BMPER: variants seen among roughly 807,000 people sequenced by gnomAD.
BMPER encodes the protein BMP binding endothelial regulator, also known as BMP-binding endothelial regulator protein.
In BMPER, 45 loss-of-function variants were observed where a neutral mutation model predicts 87.3. The ratio of observed to expected loss-of-function variants is 0.52; its 90% CI spans 0.41 to 0.66. The LOEUF (loss-of-function observed/expected upper bound fraction) is 0.66. BMPER is among the 30% of genes least tolerant of loss of function. The probability of loss-of-function intolerance (pLI) is 0.00; values close to 1 mark genes in which losing one functional copy is unlikely to be tolerated. For missense variants in BMPER, 784 were observed against 867.5 expected (o/e 0.90, Z 1.21); for synonymous variants, 326 against 316.2 (o/e 1.03, Z -0.33).
intron 2 of BMPER, among the ~76,000 whole-genome samples, chr7:33,935,908 A>G (rs559452854): frequency 6.6e-6 from 1 of 152,302 alleles, no homozygotes; most frequent in South Asian, 2.1e-4. Context: ...TCTGTGCCTC[A>G]GTTGGCCTTG....
rs376712263 is a variant in BMPER at position 34,078,819 on chromosome 7, G to C, written c.1079-38G>C. 1.2e-3 allele frequency: 2,003 copies of C among 1,604,070 alleles called. 5 individuals carry two copies. Among genetic ancestry groups the C allele is most frequent in the Middle Eastern group, 1.8e-3 (11 of 6,050 alleles). On this transcript the variant is annotated intron_variant, in intron 11 of 14. Coordinates refer to ENST00000649409, the MANE Select transcript of BMPER (RefSeq NM_001365308.1). The stretch of plus-strand genomic sequence containing the variant: ...TGATTTCTCTGTGAATCCTTGGCTT[G>C]GTTTGTGACCCGGCTTTTGTCTCTC...
At chr7:34,039,684 T>C (rs1006466064) in intron 6 of BMPER, among the ~76,000 whole-genome samples, 3 of 151,970 alleles carry the variant, frequency 2.0e-5, no homozygotes, top group Non-Finnish European at 4.4e-5. Context: ...TGTATCCTAC[T>C]ATAGTGTGTG....
At chr7:34,136,943 C>T (rs951947409) in intron 13 of BMPER, among the ~76,000 whole-genome samples, 3 of 152,228 alleles carry the variant, frequency 2.0e-5, no homozygotes, top group Non-Finnish European at 4.4e-5. Context: ...GAAGCAGAGG[C>T]ACTTGCCTCT....
At chr7:34,064,173 C>T (rs985191857) in intron 11 of BMPER, among the ~76,000 whole-genome samples, 5 of 152,144 alleles carry the variant, frequency 3.3e-5, no homozygotes, top group Non-Finnish European at 7.3e-5. Flanking sequence ...TGCCTGAAAT[C>T]CCAGCTACTT....
chr7:33,990,537 G>A (rs1450576715), intron 6 of BMPER, among the ~76,000 whole-genome samples: 1 of 150,274 alleles, frequency 6.7e-6, no homozygotes, highest in African/African-American at 2.4e-5. Context: ...GGGTTTTCTA[G>A]ATATACAATC....
chr7:34,144,996 G>A (rs1005617769), intron 14 of BMPER, among the ~76,000 whole-genome samples: 5 of 152,218 alleles, frequency 3.3e-5, no homozygotes, highest in African/African-American at 9.6e-5. Flanking sequence ...TACAGACATT[G>A]CGTTCACTTA....
At chr7:34,065,199 ACTCACT>A (rs1264761681) in intron 11 of BMPER, among the ~76,000 whole-genome samples, 2,893 of 93,924 alleles carry the variant, frequency 0.031, 23 homozygotes, top group Non-Finnish European at 0.036. Context: ...ACACATACAC[ACTCACT>A]CTCTCTCTCT....
intron 13 of BMPER, 78 bp from the exon 14 acceptor site, chr7:34,143,152 A>T: frequency 1.3e-6 from 2 of 1,595,608 alleles, no homozygotes; most frequent in Non-Finnish European, 1.7e-6. Flanking sequence ...CCCATCTACG[A>T]CCCTTTCTGA....
chr7:33,936,249 GCAGAGCCGGCCAGTTGCTCCTCTCCAA>G (rs1275998545), intron 2 of BMPER, among the ~76,000 whole-genome samples: 1 of 152,196 alleles, frequency 6.6e-6, no homozygotes, highest in Admixed American at 6.5e-5. Context: ...TTCAAGGTGA[GCAGAGCCGGCCAGTTGCTCCTCTCCAA>G]CCTGCCCCGA....
intron 12 of BMPER, among the ~76,000 whole-genome samples, chr7:34,080,997 CT>C (rs145148949): frequency 0.021 from 3,194 of 149,788 alleles, 106 homozygotes; most frequent in African/African-American, 0.075. Context: ...TTTACAATTT[CT>C]TTTTTTTTTC....
chr7:33,918,238 T>C (rs763342484), intron 2 of BMPER, among the ~76,000 whole-genome samples: 1 of 152,236 alleles, frequency 6.6e-6, no homozygotes, highest in Non-Finnish European at 1.5e-5. Flanking sequence ...GCAATAACAT[T>C]AATGAATGAC....
At chr7:34,037,550 G>A (rs775246205) in intron 6 of BMPER, among the ~76,000 whole-genome samples, 1 of 152,194 alleles carries the variant, frequency 6.6e-6, no homozygotes, top group Non-Finnish European at 1.5e-5. Context: ...GGACATTGAT[G>A]TCCCTGCAGG....
chr7:34,047,042 G>T (rs1787993970), intron 7 of BMPER, among the ~76,000 whole-genome samples: 1 of 151,688 alleles, frequency 6.6e-6, no homozygotes, highest in South Asian at 2.1e-4. Flanking sequence ...TGAAAAGGAA[G>T]TAGATTCCTT....
chr7:34,113,537 A>T (rs1790035815), intron 13 of BMPER, among the ~76,000 whole-genome samples: 1 of 150,592 alleles, frequency 6.6e-6, no homozygotes, highest in African/African-American at 2.4e-5. Context: ...ATTTTTTTTG[A>T]ACCATCTAGA....
At chr7:34,125,761 A>G (rs750179459) in intron 13 of BMPER, among the ~76,000 whole-genome samples, 2 of 152,160 alleles carry the variant, frequency 1.3e-5, no homozygotes, top group Non-Finnish European at 2.9e-5. Context: ...TGAATTATTC[A>G]TTCAATATTC....
chr7:33,937,368 C>G lies in BMPER; in HGVS notation c.299C>G (p.Ala100Gly), dbSNP rs746885660. The change falls in exon 3 of 15, where the codon GCC (alanine) becomes GGC (glycine). Residue 100 changes from alanine to glycine, a missense_variant. By Grantham distance (60) the Ala-to-Gly change is moderately conservative. Coordinates refer to ENST00000649409, the MANE Select transcript of BMPER (RefSeq NM_001365308.1). ...GCCCTGGCCATCAAGCAGAGGGGAG[C>G]CTGTTGTGAACAGTGCAAAGGTGAT... ...DCALAIKQRG[A>G]CCEQCKGCTY... 1.9e-6 allele frequency: 3 copies of G among 1,614,088 alleles called. No homozygotes were observed. In the South Asian group the frequency reaches 3.3e-5, roughly 18 times the overall value.
At chr7:34,038,252 G>A (rs1000717437) in intron 6 of BMPER, among the ~76,000 whole-genome samples, 32 of 152,146 alleles carry the variant, frequency 2.1e-4, no homozygotes, top group African/African-American at 7.5e-4. Context: ...GGTCAGAGTC[G>A]GAGGAGATGT....
intron 2 of BMPER, 131 bp downstream of exon 2, chr7:33,907,034 T>G (rs757321365): frequency 2.3e-6 from 2 of 882,282 alleles, no homozygotes; most frequent in Non-Finnish European, 3.6e-6. Flanking sequence ...CTGTACATAG[T>G]TTGTGAGTTG....
intron 6 of BMPER, among the ~76,000 whole-genome samples, chr7:33,991,786 G>C (rs1181699361): frequency 6.8e-6 from 1 of 147,754 alleles, no homozygotes; most frequent in Non-Finnish European, 1.5e-5. Context: ...ACACTGCTTT[G>C]AATGCGTCCC....
Sources: gnomAD v4.1 joint callset for allele counts (sites outside exome capture counted in the v4.1 genomes callset) on GRCh38, gnomAD v4.1.1 for gene constraint, MANE v1.5 for transcripts, NCBI Gene and HGNC (gene_info 2026-07-23, HGNC 2026-07-21) for gene names.